Variants in NPSR1 observed in about 807,000 individuals in gnomAD.
The protein encoded by NPSR1 is neuropeptide S receptor.
In NPSR1, 48 loss-of-function variants were observed where a neutral mutation model predicts 46.9. The ratio of observed to expected loss-of-function variants is 1.02; its 90% CI spans 0.81 to 1.30. The LOEUF (loss-of-function observed/expected upper bound fraction) is 1.30. Ranked by LOEUF, NPSR1 falls within the 50% of genes most tolerant of loss-of-function variation. NPSR1 has a pLI of 0.00. For synonymous variants in NPSR1, 176 were observed against 168.1 expected (o/e 1.05, Z -0.36); for missense variants, 450 against 449.5 (o/e 1.00, Z -0.01).
downstream of NPSR1, among the ~76,000 whole-genome samples, chr7:34,852,173 G>A (rs1309358234): frequency 6.6e-6 from 1 of 152,016 alleles, no homozygotes; most frequent in African/African-American, 2.4e-5. Context: ...GGTGGCTGGC[G>A]CCTGTAGTCC....
intron 2 of NPSR1, among the ~76,000 whole-genome samples, chr7:34,696,690 C>G (rs572497072): frequency 2.6e-4 from 40 of 151,686 alleles, no homozygotes; most frequent in African/African-American, 8.4e-4. Context: ...ACAAAAAATA[C>G]AAAAAGAAAA....
At chr7:34,688,516 C>T (rs1793055889) in intron 2 of NPSR1, among the ~76,000 whole-genome samples, 1 of 152,122 alleles carries the variant, frequency 6.6e-6, no homozygotes, top group Non-Finnish European at 1.5e-5. Context: ...ACACAAAGAA[C>T]TCCCTTTCCA....
chr7:34,760,475 TAGC>T (rs879944662), intron 2 of NPSR1, among the ~76,000 whole-genome samples: 3 of 152,222 alleles, frequency 2.0e-5, no homozygotes, highest in Non-Finnish European at 4.4e-5. Context: ...AGCTGTCATG[TAGC>T]AGAGCCAACA....
In NPSR1 at chr7:34,848,636, T is replaced by C. The variant is rs773031779; in HGVS notation, c.998T>C (p.Phe333Ser). The C allele has an allele frequency of 1.1e-5, 18 of 1,614,000 alleles. No homozygotes were observed. The African/African-American group carries it at 2.1e-4, about 19-fold the overall frequency. Residue 333 changes from phenylalanine to serine, a missense_variant, in exon 8 of 9, where the codon TTC becomes TCC. By Grantham distance (155) the Phe-to-Ser change is radical. Transcript: ENST00000360581. ...ATCAACCCCCTCATCTACTGTGTCT[T>C]CAGCAGCTCCATCTCTTTCCCCTGC... Reference protein sequence around the residue: ...SAINPLIYCVFSSSISFPCRE... With the variant: ...SAINPLIYCVSSSSISFPCRE...
In NPSR1 at chr7:34,762,528, C is replaced by T. The variant is rs370458160; in HGVS notation, c.281-15934C>T. On this transcript the variant is annotated intron_variant, in intron 2 of 8. Transcript: ENST00000360581. ...CAAGACTTGTGCCATTTACAGTGTT[C>T]TCAGCATTCAGTGTTTAAAAAAGAA... 9.8e-4 allele frequency among the ~76,000 whole-genome samples: 149 copies of T among 152,250 alleles called. 4 individuals carry two copies. In the South Asian group the frequency reaches 0.03, roughly 31 times the overall value.
chr7:34,855,959 C>T (rs1791039279), intron 8 of NPSR1, among the ~76,000 whole-genome samples: 1 of 152,070 alleles, frequency 6.6e-6, no homozygotes, highest in Admixed American at 6.6e-5. Flanking sequence ...AATTTTTGAG[C>T]TCCAATTATA....
At position 34,878,087 on chromosome 7, in the gene NPSR1, T is replaced by A. The variant is rs201747549; in HGVS notation, c.1037T>A (p.Leu346His). 2.5e-6 allele frequency: 4 copies of A among 1,606,852 alleles called. No homozygotes were observed. The Admixed American group carries it at 6.7e-5, about 27-fold the overall frequency. ...TTCTTCTTTCCCAGGGTCATCCGTCTCCGTCAGCTCCAGGAGGCTGCGCTA... is the reference window on the plus strand; with the variant it reads ...TTCTTCTTTCCCAGGGTCATCCGTCACCGTCAGCTCCAGGAGGCTGCGCTA... The change falls in exon 9 of 9, where the codon CTC (leucine) becomes CAC (histidine). Residue 346 changes from leucine to histidine, a missense_variant. Transcript: ENST00000359791.
chr7:34,720,948 C>A (rs2128707581), intron 2 of NPSR1, among the ~76,000 whole-genome samples: 1 of 151,750 alleles, frequency 6.6e-6, no homozygotes, highest in African/African-American at 2.4e-5. Flanking sequence ...GAAAAAGGAA[C>A]AACATCTGGA....
chr7:34,756,683 A>G (rs1238536115), intron 2 of NPSR1, among the ~76,000 whole-genome samples: 1 of 152,228 alleles, frequency 6.6e-6, no homozygotes, highest in Non-Finnish European at 1.5e-5. Context: ...TTTTCTAACC[A>G]GTAAAATATG....
chr7:34,668,565 G>A (rs1253720047), intron 1 of NPSR1, among the ~76,000 whole-genome samples: 2 of 152,116 alleles, frequency 1.3e-5, no homozygotes, highest in African/African-American at 4.8e-5. Flanking sequence ...AGCTTATGCT[G>A]AGGAAACAAA....
chr7:34,845,870 CTTT>C (rs967202097), intron 7 of NPSR1, among the ~76,000 whole-genome samples: 2 of 152,138 alleles, frequency 1.3e-5, no homozygotes, highest in South Asian at 4.1e-4. Context: ...GTGCTATTTT[CTTT>C]TTTATTTAGC....
chr7:34,673,394 G>C (rs904378903), intron 1 of NPSR1, among the ~76,000 whole-genome samples: 6 of 152,146 alleles, frequency 3.9e-5, no homozygotes, highest in Non-Finnish European at 7.3e-5. Flanking sequence ...TTTCAGGAGA[G>C]TTTCCCACTT....
intron 1 of NPSR1, among the ~76,000 whole-genome samples, chr7:34,671,617 T>C (rs1263498657): frequency 6.6e-6 from 1 of 152,104 alleles, no homozygotes; most frequent in African/African-American, 2.4e-5. Flanking sequence ...ACCAACTCAT[T>C]AGCCTTTTAC....
Position 34,834,388 on chromosome 7 carries a change from A to G in NPSR1, c.685A>G (p.Met229Val), listed in dbSNP as rs916706976. ...YFIPLTIISI[M>V]YGIVIRTIWI... ...TACCTTTGGTTCTTTCTGCAGCATC[A>G]TGTATGGCATTGTGATCCGAACTAT... The change falls in exon 6 of 9, where the codon ATG (methionine) becomes GTG (valine). Residue 229 changes from methionine (M) to valine (V), a missense_variant. Physicochemically the swap from Met to Val is conservative, Grantham distance 21. Transcript: ENST00000360581. The G allele has an allele frequency of 1.9e-6, 3 of 1,612,870 alleles. No individual in the cohort carries two copies. Among genetic ancestry groups the G allele is most frequent in the African/African-American group, 2.7e-5 (2 of 74,890 alleles).
At chr7:34,769,548 A>G (rs1364005185) in intron 2 of NPSR1, among the ~76,000 whole-genome samples, 2 of 152,210 alleles carry the variant, frequency 1.3e-5, no homozygotes, top group African/African-American at 4.8e-5. Flanking sequence ...AGGCTTCAGC[A>G]ATAACAAACA....
intron 2 of NPSR1, among the ~76,000 whole-genome samples, chr7:34,700,178 A>T (rs983070485): frequency 3.9e-5 from 6 of 152,188 alleles, no homozygotes; most frequent in African/African-American, 1.4e-4. Context: ...AGGTTGTCCC[A>T]AAGTCATAAG....
intron 1 of NPSR1, among the ~76,000 whole-genome samples, chr7:34,669,738 CA>C (rs1441944985): frequency 2.0e-5 from 3 of 152,070 alleles, no homozygotes; most frequent in African/African-American, 7.2e-5. Context: ...ACCAGACAAC[CA>C]AACAGAACTA....
chr7:34,737,241 C>T (rs2128717006), intron 2 of NPSR1, among the ~76,000 whole-genome samples: 1 of 152,302 alleles, frequency 6.6e-6, no homozygotes, highest in Admixed American at 6.5e-5. Flanking sequence ...CCACCTCTTA[C>T]CTACTCTAGA....
chr7:34,738,521 A>G (rs1784788555), intron 2 of NPSR1, among the ~76,000 whole-genome samples: 1 of 152,148 alleles, frequency 6.6e-6, no homozygotes, highest in African/African-American at 2.4e-5. Flanking sequence ...TACTGTACCT[A>G]TAGTTGAATG....
Sources: gnomAD v4.1 joint callset for allele counts (sites outside exome capture counted in the v4.1 genomes callset) on GRCh38, gnomAD v4.1.1 for gene constraint, MANE v1.5 for transcripts, NCBI Gene and HGNC (gene_info 2026-07-23, HGNC 2026-07-21) for gene names.